The following GPR139 variants were observed in gnomAD, a reference collection of about 807,000 sequenced individuals.
GPR139 encodes G protein-coupled receptor 139, also known as probable G protein-coupled receptor 139.
GPR139 carries 12 observed loss-of-function variants against 25.8 expected under a neutral mutation model. That is an observed-to-expected ratio of 0.47 (90% CI 0.30 to 0.75). GPR139 has a LOEUF of 0.75. Among genes scored for constraint, GPR139 ranks in the 30% least tolerant of loss-of-function variants. The pLI, the probability that GPR139 is intolerant of heterozygous loss-of-function variation, is 0.07. For synonymous variants in GPR139, 184 were observed against 179.9 expected (o/e 1.02, Z -0.18); for missense variants, 380 against 450.2 (o/e 0.84, Z 1.41).
chr16:20,070,879 T>G (rs1410250929), intron 1 of GPR139: 1 of 889,140 alleles, frequency 1.1e-6, no homozygotes, highest in Non-Finnish European at 1.3e-6. Context: ...AGGTGATGGG[T>G]GGGGACCACT....
At chr16:20,054,706 TCCTC>T (rs1189221174) in intron 1 of GPR139, among the ~76,000 whole-genome samples, 2 of 150,922 alleles carry the variant, frequency 1.3e-5, no homozygotes, top group Non-Finnish European at 2.9e-5. Context: ...CTTCCTTCCT[TCCTC>T]CCTCTTCCTT....
At position 20,045,391 on chromosome 16, in the gene GPR139, GT is replaced by G. The variant is rs1183590249; in HGVS notation, c.128-12723del. On this transcript the variant is annotated intron_variant, in intron 1 of 1. Coordinates refer to ENST00000570682, the MANE Select transcript of GPR139 (RefSeq NM_001002911.4). ...GACAGGAACACTGAGGTTCAGTGAG[GT>G]TAAGGAATTTGCCCAGATCAGACAG... 5.3e-5 allele frequency among the ~76,000 whole-genome samples: 8 copies of G among 152,222 alleles called. No individual in the cohort carries two copies. The East Asian group carries it at 1.5e-3, about 29-fold the overall frequency.
Position 20,031,677 on chromosome 16 carries a change from G to C in GPR139, c.*58C>G. 1 of 1,383,762 alleles carries C rather than the reference G, an allele frequency of 7.2e-7. No individual in the cohort carries two copies. Among genetic ancestry groups the C allele is most frequent in the Non-Finnish European group, 1.0e-6 (1 of 981,396 alleles). 85.7% of individuals were successfully genotyped at this position (1,383,762 alleles called of 1,614,324 possible). ...GGAGAGCTGCTCAGCCATAGGATGG[G>C]ACACCTTCCCATCTGGAAATGGATT... On this transcript the variant is annotated 3_prime_UTR_variant, in exon 2 of 2. Coordinates refer to ENST00000570682, the MANE Select transcript of GPR139 (RefSeq NM_001002911.4).
intron 1 of GPR139, among the ~76,000 whole-genome samples, chr16:20,064,427 C>G (rs547458682): frequency 2.0e-5 from 3 of 151,994 alleles, no homozygotes; most frequent in Non-Finnish European, 4.4e-5. Context: ...TCCAGCTACT[C>G]GGGAGGCTGA....
intron 1 of GPR139, among the ~76,000 whole-genome samples, chr16:20,053,309 T>C (rs916758051): frequency 6.6e-6 from 1 of 152,144 alleles, no homozygotes; most frequent in African/African-American, 2.4e-5. Context: ...ATGGGCATCA[T>C]TGTTGGGTGC....
intron 1 of GPR139, among the ~76,000 whole-genome samples, chr16:20,042,771 A>G (rs186507395): frequency 1.2e-3 from 181 of 152,008 alleles, no homozygotes; most frequent in African/African-American, 4.3e-3. Context: ...TAGCACTTGA[A>G]TGGATCCTTT....
At chr16:20,050,740 T>A (rs890247502) in intron 1 of GPR139, among the ~76,000 whole-genome samples, 1 of 152,196 alleles carries the variant, frequency 6.6e-6, no homozygotes, top group Admixed American at 6.5e-5. Context: ...TTGAGGGGCA[T>A]CAAACATTAA....
chr16:20,050,179 A>T (rs1381193636), intron 1 of GPR139, among the ~76,000 whole-genome samples: 2 of 152,236 alleles, frequency 1.3e-5, no homozygotes, highest in African/African-American at 4.8e-5. Flanking sequence ...TCTAATATAG[A>T]GGATCATGGA....
intron 1 of GPR139, among the ~76,000 whole-genome samples, chr16:20,043,497 T>C (rs1476668616): frequency 6.6e-6 from 1 of 152,232 alleles, no homozygotes; most frequent in Non-Finnish European, 1.5e-5. Context: ...GTTTTAATGG[T>C]ATTAGAGGAA....
At chr16:20,041,138 GA>G (rs2057329575) in intron 1 of GPR139, among the ~76,000 whole-genome samples, 1 of 470 alleles carries the variant, frequency 2.1e-3, no homozygotes, top group African/African-American at 0.021. Flanking sequence ...AAGGAGAGGA[GA>G]GGAGAGGAGA....
chr16:20,068,253 A>G (rs890220510), intron 1 of GPR139, among the ~76,000 whole-genome samples: 4 of 150,346 alleles, frequency 2.7e-5, no homozygotes, highest in African/African-American at 7.3e-5. Flanking sequence ...AAAAAAAAAA[A>G]AAAAAGAAAG....
At chr16:20,041,246 GAGAGGGAAGGAGAAAAGAAAAGC>G (rs2057333602) in intron 1 of GPR139, among the ~76,000 whole-genome samples, 4 of 7,040 alleles carry the variant, frequency 5.7e-4, no homozygotes, top group Non-Finnish European at 1.0e-3. Flanking sequence ...GAGAGGAGAG[GAGAGGGAAGGAGAAAAGAAAAGC>G]ATCTCTCTCT....
Position 20,032,723 on chromosome 16 carries a change from C to T in GPR139, c.128-54G>A, listed in dbSNP as rs2057295587. 2.2e-6 allele frequency: 3 copies of T among 1,368,494 alleles called. No individual in the cohort carries two copies. The African/African-American group carries it at 4.3e-5, about 20-fold the overall frequency. The allele number at this position is 1,368,494 out of a possible 1,614,324, so 84.8% of individuals were successfully genotyped here. A position where few individuals can be genotyped will look rare whatever the true frequency, so the allele number is the denominator to read the frequency against. On this transcript the variant is annotated intron_variant, in intron 1 of 1. Transcript: ENST00000570682. ...TCTGAAGCAAAGATGACTTCGTTGG[C>T]TCCTATGGGGGCCCTAGGCATATGT...
chr16:20,034,177 T>G (rs1202978806), intron 1 of GPR139, among the ~76,000 whole-genome samples: 1 of 152,188 alleles, frequency 6.6e-6, no homozygotes, highest in Non-Finnish European at 1.5e-5. Flanking sequence ...AAGCTTACAT[T>G]CCTTGTCTGA....
intron 1 of GPR139, among the ~76,000 whole-genome samples, chr16:20,035,387 C>G (rs2057306426): frequency 6.6e-6 from 1 of 152,128 alleles, no homozygotes; most frequent in East Asian, 1.9e-4. Flanking sequence ...TGAGTATGTC[C>G]TATTTAAGTC....
At chr16:20,041,883 C>T (rs2057337902) in intron 1 of GPR139, among the ~76,000 whole-genome samples, 1 of 152,180 alleles carries the variant, frequency 6.6e-6, no homozygotes, top group Non-Finnish European at 1.5e-5. Flanking sequence ...GCAGTGGTAC[C>T]CTCCTACCAT....
Position 20,073,558 on chromosome 16 carries a change from C to G in GPR139, c.59G>C (p.Gly20Ala). The G allele has an allele frequency of 6.2e-7, 1 of 1,611,584 alleles. No homozygotes were observed. Among genetic ancestry groups the G allele is most frequent in the African/African-American group, 1.3e-5 (1 of 74,962 alleles). ...ANSSLSWWSP[G>A]SACGLGFVPV... is the part of the protein sequence containing the mutation. ...CACGAAACCCAAGCCGCAGGCCGAG[C>G]CGGGGGACCACCAAGACAGCGAGCT... The change falls in exon 1 of 2, where the codon GGC (glycine) becomes GCC (alanine). Residue 20 changes from glycine to alanine, a missense_variant. By Grantham distance (60) the Gly-to-Ala change is moderately conservative. Transcript: ENST00000570682. This position sits in a 1 kb window ranked among gnomAD's most constrained non-coding sequence, Gnocchi z 4.7.
At position 20,032,399 on chromosome 16, in the gene GPR139, G is replaced by T. The variant is rs759836680; in HGVS notation, c.398C>A (p.Pro133Gln). 1 of 1,614,172 alleles carries T rather than the reference G, an allele frequency of 6.2e-7. No homozygotes were observed. Among genetic ancestry groups the T allele is most frequent in the Non-Finnish European group, 8.5e-7 (1 of 1,180,024 alleles). ...GTATGAGACCGTGTGGTACTTGAGC[G>T]GGTGGCAGACAGCGATATACCTGTC... The part of the protein sequence containing the change: ...TIDRYIAVCH[P>Q]LKYHTVSYPA... Residue 133 changes from proline to glutamine, a missense_variant, in exon 2 of 2, where the codon CCG becomes CAG. Pro to Gln is a moderately conservative substitution (Grantham distance 76). Transcript: ENST00000570682.
intron 1 of GPR139, among the ~76,000 whole-genome samples, chr16:20,049,978 A>T (rs1400591351): frequency 2.0e-5 from 3 of 152,166 alleles, no homozygotes; most frequent in Admixed American, 6.5e-5. Context: ...CTTTCTTTCC[A>T]TTGCAAATAG....
Sources: allele counts gnomAD v4.1 joint callset (sites outside exome capture counted in the v4.1 genomes callset), GRCh38; gene constraint gnomAD v4.1.1; non-coding constraint Gnocchi (gnomAD v3.1); transcripts MANE v1.5; gene names NCBI Gene and HGNC (gene_info 2026-07-23, HGNC 2026-07-21).